Variants in DLG5 observed in about 807,000 individuals in gnomAD.
The protein encoded by DLG5 is disks large homolog 5.
DLG5 carries 48 observed loss-of-function variants against 189.8 expected under a neutral mutation model. The ratio of observed to expected loss-of-function variants is 0.25; its 90% CI spans 0.20 to 0.32. DLG5 has a LOEUF of 0.32. Among genes scored for constraint, DLG5 ranks in the 10% least tolerant of loss-of-function variants. The pLI is 1.00. For synonymous variants in DLG5, 1,016 were observed against 1,054.1 expected (o/e 0.96, Z 0.70); for missense variants, 2,160 against 2,544.7 (o/e 0.85, Z 3.25).
chr10:77,908,289 C>G (rs1846122996), intron 1 of DLG5, among the ~76,000 whole-genome samples: 1 of 152,226 alleles, frequency 6.6e-6, no homozygotes. Context: ...AACTCACAGA[C>G]AGCCAGTCAG....
chr10:77,910,744 G>A (rs1846194236), intron 1 of DLG5, among the ~76,000 whole-genome samples: 1 of 152,196 alleles, frequency 6.6e-6, no homozygotes. Flanking sequence ...GGCCAAGGCA[G>A]GTGGATCACC....
At chr10:77,938,842 A>T in the DLG5 span, among the ~76,000 whole-genome samples, 2 of 152,176 alleles carry the variant, frequency 1.3e-5, no homozygotes, top group Non-Finnish European at 2.9e-5. Flanking sequence ...AGGGGAAGAA[A>T]ATCTCAGGAG....
rs142512044 is a variant in DLG5 at position 77,896,032 on chromosome 10, C to T, written c.305-26835G>A. On this transcript the variant is annotated intron_variant, in intron 1 of 31. Coordinates refer to ENST00000372391, the MANE Select transcript of DLG5 (RefSeq NM_004747.4). ...AAAATTAGCCAGGCGTGGTGATGCA[C>T]GCCTGTAATCCCAGCTACTCAGGAG... is the stretch of plus-strand genomic sequence containing the variant. Among the ~76,000 whole-genome samples the T allele has an allele frequency of 4.1e-3, 619 of 152,164 alleles. 5 individuals are homozygous for T. The highest frequency in any genetic ancestry group is 0.014 in the African/African-American group (582 of 41,516).
intron 1 of DLG5, among the ~76,000 whole-genome samples, chr10:77,887,563 T>C (rs1845475902): frequency 6.6e-6 from 1 of 151,580 alleles, no homozygotes; most frequent in South Asian, 2.1e-4. Context: ...CGGTTAAGAG[T>C]TTCTATTGAA....
intron 10 of DLG5, 28 bp from the exon 11 acceptor site, chr10:77,830,372 A>G (rs1589171775): frequency 6.2e-7 from 1 of 1,614,054 alleles, no homozygotes; most frequent in South Asian, 1.1e-5. Flanking sequence ...ACAGCAACGC[A>G]TTTCACAAAG....
At chr10:77,849,513 C>T (rs550954170) in intron 5 of DLG5, among the ~76,000 whole-genome samples, 1 of 152,370 alleles carries the variant, frequency 6.6e-6, no homozygotes, top group East Asian at 1.9e-4. Context: ...CAGCCCTGCT[C>T]CCTGTGGCAG....
chr10:77,820,030 A>G lies in DLG5; in HGVS notation c.3403-12T>C. The G allele has an allele frequency of 6.8e-6, 11 of 1,612,714 alleles. No homozygotes were observed. Among genetic ancestry groups the G allele is most frequent in the Non-Finnish European group, 7.6e-6 (9 of 1,179,892 alleles). On this transcript the variant is annotated splice_polypyrimidine_tract_variant and intron_variant, in intron 15 of 31. Transcript: ENST00000372391. ...ACACACTTCTGTTCCTGCAGATGCA[A>G]GGGCAAGAGTGTCTGCTAGAAAGAG...
chr10:77,924,061 C>T (rs966363677), intron 1 of DLG5, among the ~76,000 whole-genome samples: 6 of 152,128 alleles, frequency 3.9e-5, no homozygotes, highest in African/African-American at 1.4e-4. Context: ...GACGGGGTTT[C>T]ACCATGTTGG....
chr10:77,824,967 G>A (rs574884690), intron 13 of DLG5, among the ~76,000 whole-genome samples: 10 of 152,282 alleles, frequency 6.6e-5, no homozygotes, highest in East Asian at 1.9e-4. Context: ...CCCTGCTCCC[G>A]GAATCTCTGC....
intron 1 of DLG5, among the ~76,000 whole-genome samples, chr10:77,876,273 T>C (rs566550958): frequency 6.7e-6 from 1 of 149,866 alleles, no homozygotes; most frequent in Non-Finnish European, 1.5e-5. Context: ...GTGAGGTGGC[T>C]CATGCCTGTA....
chr10:77,926,892 G>A (rs1388445129), upstream of DLG5: 7 of 339,568 alleles, frequency 2.1e-5, no homozygotes, highest in Middle Eastern at 6.4e-4. The surrounding 1 kb of genome is among the most constrained non-coding windows in gnomAD (Gnocchi z 5.2). Flanking sequence ...CGCCCGCCCC[G>A]CGAGAAAACT....
intron 2 of DLG5, among the ~76,000 whole-genome samples, chr10:77,864,409 C>A (rs1363789985): frequency 6.6e-6 from 1 of 152,154 alleles, no homozygotes; most frequent in Non-Finnish European, 1.5e-5. Flanking sequence ...TCACCTACAA[C>A]TCAGGACACC....
At chr10:77,938,081 C>T in the DLG5 span, among the ~76,000 whole-genome samples, 1 of 151,922 alleles carries the variant, frequency 6.6e-6, no homozygotes, top group African/African-American at 2.4e-5. Flanking sequence ...ACTCTAAGCT[C>T]CACAGAACAC....
intron 5 of DLG5, among the ~76,000 whole-genome samples, chr10:77,848,973 A>G (rs1320098109): frequency 6.6e-6 from 1 of 152,220 alleles, no homozygotes. Context: ...TTCCCCAACC[A>G]AGCCTTGTCA....
At chr10:77,856,623 G>T in intron 3 of DLG5, 107 bp downstream of exon 3, 2 of 1,422,508 alleles carry the variant, frequency 1.4e-6, no homozygotes, top group Non-Finnish European at 9.6e-7. Context: ...CTCAGGCAGC[G>T]CAGCCTGGAC....
chr10:77,795,401 C>T (rs1024738341), intron 29 of DLG5, among the ~76,000 whole-genome samples: 8 of 152,144 alleles, frequency 5.3e-5, no homozygotes, highest in African/African-American at 1.4e-4. Context: ...CGTGCACTCC[C>T]GACCCCCAGA....
chr10:77,868,202 A>C (rs1844764753), intron 2 of DLG5: 2 of 430,718 alleles, frequency 4.6e-6, no homozygotes, highest in South Asian at 3.2e-5. Flanking sequence ...GCCCTAGAAA[A>C]CTAAGATGGA....
Position 77,856,862 on chromosome 10 carries a change from G to T in DLG5, c.404C>A (p.Pro135His). The T allele has an allele frequency of 1.9e-6, 3 of 1,612,342 alleles. No homozygotes were observed. Among genetic ancestry groups the T allele is most frequent in the East Asian group, 2.2e-5 (1 of 44,872 alleles). The change falls in exon 3 of 32, where the codon CCC becomes CAC. Residue 135 changes from proline to histidine, a missense_variant. By Grantham distance (77) the Pro-to-His change is moderately conservative. This residue lies in a region of DLG5 where 664 missense variants were observed against 838.5 expected (regional missense o/e 0.79). Coordinates refer to ENST00000372391, the MANE Select transcript of DLG5 (RefSeq NM_004747.4). ...GTTGKAPSPP[P>H]LLTDQQVNEK... ...ATTCACTTGCTGGTCAGTGAGGAGG[G>T]GTGGTGGGGACGGCGCCTTCCCGGT...
At chr10:77,886,403 C>CAA (rs1181813495) in intron 1 of DLG5, among the ~76,000 whole-genome samples, 2 of 145,880 alleles carry the variant, frequency 1.4e-5, no homozygotes, top group Non-Finnish European at 3.0e-5. Flanking sequence ...TTTTTGGAGA[C>CAA]AGAGTCTCGC....
Sources: gnomAD v4.1 joint callset for allele counts (sites outside exome capture counted in the v4.1 genomes callset) on GRCh38, gnomAD v4.1.1 for gene constraint, gnomAD v4.1.1 regional missense constraint, Gnocchi (gnomAD v3.1) non-coding constraint, MANE v1.5 for transcripts, NCBI Gene and HGNC (gene_info 2026-07-23, HGNC 2026-07-21) for gene names.